BCS1L: variants seen among roughly 807,000 people sequenced by gnomAD.
BCS1L encodes BCS1 ubiquinol-cytochrome c reductase complex chaperone.
In BCS1L, 38 loss-of-function variants were observed where a neutral mutation model predicts 49.3. The observed-to-expected ratio is 0.77, with a 90% CI of 0.59 to 1.01. BCS1L has a LOEUF of 1.01. Among genes scored for constraint, BCS1L ranks in the 50% least tolerant of loss-of-function variants. The pLI is 0.00. For missense variants in BCS1L, 394 were observed against 540.2 expected (o/e 0.73, Z 2.68); for synonymous variants, 193 against 210.1 (o/e 0.92, Z 0.70).
rs1313857025 is a variant in BCS1L, at chr2:218,662,062, A to T, written c.655+109A>T. ...TAAAGCTCTAGTCCAATTCCCAGAG[A>T]TTAAGAGGAATGAAAAGTTGTGTAT... is the stretch of plus-strand genomic sequence containing the variant. On this transcript the variant is annotated intron_variant, in intron 4 of 7. Coordinates refer to ENST00000359273, the MANE Select transcript of BCS1L (RefSeq NM_001079866.2). This position sits in a 1 kb window ranked among gnomAD's most constrained non-coding sequence, Gnocchi z 5.8. 6.7e-7 allele frequency: 1 copy of T among 1,486,954 alleles called. No homozygotes were observed. Among genetic ancestry groups the T allele is most frequent in the East Asian group, 2.3e-5 (1 of 44,256 alleles). 92.1% of individuals were successfully genotyped at this position (1,486,954 alleles called of 1,614,324 possible).
At position 218,662,352 on chromosome 2, in the gene BCS1L, A is replaced by G. The variant is rs1041596179; in HGVS notation, c.719+92A>G. 1.3e-6 allele frequency: 2 copies of G among 1,507,202 alleles called. No individual in the cohort carries two copies. Among genetic ancestry groups the G allele is most frequent in the East Asian group, 2.3e-5 (1 of 44,368 alleles). The allele number at this position is 1,507,202 out of a possible 1,614,324, so 93.4% of individuals were successfully genotyped here. A position where few individuals can be genotyped will look rare whatever the true frequency, so the allele number is the denominator to read the frequency against. On this transcript the variant is annotated intron_variant, in intron 5 of 7. Transcript: ENST00000359273. This position sits in a 1 kb window ranked among gnomAD's most constrained non-coding sequence, Gnocchi z 5.8. ...GTTGGAAGGGGAAATGAATCTGGGG[A>G]TCGGGGACCAGGATAAACATGAAAC...
chr2:218,661,993 A>AT lies in BCS1L; in HGVS notation c.655+45dup. The AT allele has an allele frequency of 6.2e-7, 1 of 1,604,238 alleles. No individual in the cohort carries two copies. Among genetic ancestry groups the AT allele is most frequent in the East Asian group, 2.2e-5 (1 of 44,810 alleles). ...GGGTCTTGGCTGTGCTGTTTTTGAC[A>AT]TTTTTAGAAGGGACAGGTTGGTCTC... On this transcript the variant is annotated intron_variant, in intron 4 of 7. Coordinates refer to ENST00000359273, the MANE Select transcript of BCS1L (RefSeq NM_001079866.2). This position sits in a 1 kb window ranked among gnomAD's most constrained non-coding sequence, Gnocchi z 5.9.
rs751940444 is a variant in BCS1L, at chr2:218,660,950, AC to A, written c.-34del. ...TTCCCCACCCCTAGGTTTTCGTAACACCCCAGGGCCTGTAAGGTTTGGTGTT... is the reference window on the plus strand; with the variant it reads ...TTCCCCACCCCTAGGTTTTCGTAACACCCAGGGCCTGTAAGGTTTGGTGTT... On this transcript the variant is annotated 5_prime_UTR_variant, in exon 2 of 8. Transcript: ENST00000359273. 1 of 1,610,054 alleles carries A rather than the reference AC, an allele frequency of 6.2e-7. No homozygotes were observed. The highest frequency in any genetic ancestry group is 2.2e-5 in the East Asian group (1 of 44,858).
At position 218,661,848 on chromosome 2, in the gene BCS1L, C is replaced by T. The variant is rs121908578; in HGVS notation, c.550C>T (p.Arg184Cys). The T allele has an allele frequency of 8.4e-5, 135 of 1,614,064 alleles. 1 individual carries two copies. Among genetic ancestry groups the T allele is most frequent in the Admixed American group, 2.0e-4 (12 of 60,010 alleles). The change falls in exon 4 of 8, where the codon CGC becomes TGC. Residue 184 changes from arginine (R) to cysteine (C), a missense_variant. Arg to Cys is a radical substitution (Grantham distance 180). Transcript: ENST00000359273. The surrounding 1 kb of genome is among the most constrained non-coding windows in gnomAD (Gnocchi z 5.9). ...SEWRPFGYPR[R>C]RRPLNSVVLQ... is the part of the protein sequence containing the mutation. ...ATGGCGTCCCTTTGGCTATCCACGC[C>T]GCCGGCGACCACTGAATTCTGTGGT...
Position 218,663,133 on chromosome 2 carries a change from G to A in BCS1L, c.1008-1G>A. 6.2e-7 allele frequency: 1 copy of A among 1,614,218 alleles called. No homozygotes were observed. Among genetic ancestry groups the A allele is most frequent in the Non-Finnish European group, 8.5e-7 (1 of 1,180,040 alleles). The stretch of plus-strand genomic sequence containing the variant: ...GACCTGCTTTCCCTGTCTTCTCTCA[G>A]GCTGGACCCTGCCCTGATACGCCCG... On this transcript the variant is annotated splice_acceptor_variant, in intron 7 of 7. Transcript: ENST00000359273. LOFTEE classifies it high-confidence loss of function.
chr2:218,663,428 A>G lies in BCS1L; in HGVS notation c.*42A>G. The G allele has an allele frequency of 6.2e-7, 1 of 1,611,918 alleles. No homozygotes were observed. Among genetic ancestry groups the G allele is most frequent in the Non-Finnish European group, 8.5e-7 (1 of 1,179,406 alleles). ...TCAGCTCTCCTCCTCTAGCTCAATA[A>G]ACATCTGCCACACTACTCTGCTCTC... On this transcript the variant is annotated 3_prime_UTR_variant, in exon 8 of 8. Transcript: ENST00000359273.
chr2:218,660,858 A>C, intron 1 of BCS1L, 81 bp from the exon 2 acceptor site: 1 of 966,764 alleles, frequency 1.0e-6, no homozygotes, highest in Non-Finnish European at 1.6e-6. Context: ...CCCACACAGT[A>C]ATGCTGACCT....
Position 218,661,879 on chromosome 2 carries a change from AACAGGGTCTGGCT to A in BCS1L, c.582_594del (p.Gln195ThrfsTer56), listed in dbSNP as rs1401992937. On this transcript the variant is annotated frameshift_variant, in exon 4 of 8. Transcript: ENST00000359273. LOFTEE classifies it high-confidence loss of function. This position sits in a 1 kb window ranked among gnomAD's most constrained non-coding sequence, Gnocchi z 5.9. ...CGACCACTGAATTCTGTGGTTCTACAACAGGGTCTGGCTGACCGAATTGTCAGAGACGTCCAGG... is the reference window on the plus strand; with the variant it reads ...CGACCACTGAATTCTGTGGTTCTACAGACCGAATTGTCAGAGACGTCCAGG... 1 of 1,614,220 alleles carries A rather than the reference AACAGGGTCTGGCT, an allele frequency of 6.2e-7. No homozygotes were observed. The highest frequency in any genetic ancestry group is 8.5e-7 in the Non-Finnish European group (1 of 1,180,046).
Position 218,662,504 on chromosome 2 carries a change from C to T in BCS1L, c.720-6C>T. 1.2e-6 allele frequency: 2 copies of T among 1,613,684 alleles called. No individual in the cohort carries two copies. Among genetic ancestry groups the T allele is most frequent in the Non-Finnish European group, 1.7e-6 (2 of 1,180,038 alleles). The stretch of plus-strand genomic sequence containing the variant: ...CTGCTACCTCCTGCCATCCCATGCT[C>T]CATAGCACAGCCCTGGCTGGGGAAC... On this transcript the variant is annotated splice_polypyrimidine_tract_variant and splice_region_variant and intron_variant, in intron 5 of 7. Coordinates refer to ENST00000359273, the MANE Select transcript of BCS1L (RefSeq NM_001079866.2). This position sits in a 1 kb window ranked among gnomAD's most constrained non-coding sequence, Gnocchi z 5.8.
intron 7 of BCS1L, 52 bp downstream of exon 7, chr2:218,663,052 C>A: frequency 6.2e-7 from 1 of 1,612,866 alleles, no homozygotes; most frequent in African/African-American, 1.3e-5. Context: ...ACCTCCTCCC[C>A]TAGTGCCTTG....
rs756932413 is a variant in BCS1L, at chr2:218,661,158, C to T, written c.171C>T (p.Asp57=). The change falls in exon 2 of 8, where the codon GAC becomes GAT. Residue 57 remains aspartate, a synonymous_variant. Transcript: ENST00000359273. The surrounding 1 kb of genome is among the most constrained non-coding windows in gnomAD (Gnocchi z 5.9). Reference sequence around the variant, plus strand: ...TCACACTGGAAGTCCCTGCTCGAGACAGGAGCTATGCCTGGTTGCTTAGCT... The same window carrying T: ...TCACACTGGAAGTCCCTGCTCGAGATAGGAGCTATGCCTGGTTGCTTAGCT... ...YMITLEVPAR[D]RSYAWLLSWL... is the part of the protein sequence containing the mutation. The T allele has an allele frequency of 3.3e-5, 53 of 1,614,124 alleles. No homozygotes were observed. The highest frequency in any genetic ancestry group is 4.2e-5 in the Non-Finnish European group (49 of 1,180,050).
At position 218,661,342 on chromosome 2, in the gene BCS1L, G is replaced by T. The variant is rs1218642890; in HGVS notation, c.320+35G>T. 1 of 1,614,242 alleles carries T rather than the reference G, an allele frequency of 6.2e-7. No homozygotes were observed. Among genetic ancestry groups the T allele is most frequent in the Non-Finnish European group, 8.5e-7 (1 of 1,180,042 alleles). ...GGAGCTAGGGAGGGCTGTGAGAGTAGAAAAGAATGATGGGAGCTGGGTTTG... is the reference window on the plus strand; with the variant it reads ...GGAGCTAGGGAGGGCTGTGAGAGTATAAAAGAATGATGGGAGCTGGGTTTG... On this transcript the variant is annotated intron_variant, in intron 2 of 7. Coordinates refer to ENST00000359273, the MANE Select transcript of BCS1L (RefSeq NM_001079866.2). The surrounding 1 kb of genome is among the most constrained non-coding windows in gnomAD (Gnocchi z 5.9).
chr2:218,659,568 C>T (rs902530079), upstream of BCS1L: 2 of 152,392 alleles, frequency 1.3e-5, no homozygotes, highest in Admixed American at 6.5e-5. The surrounding 1 kb of genome is among the most constrained non-coding windows in gnomAD (Gnocchi z 4.4). Context: ...CCTCCACCCC[C>T]ACTCCAGCCC....
Position 218,662,221 on chromosome 2 carries a change from T to G in BCS1L, c.680T>G (p.Leu227Arg). The G allele has an allele frequency of 6.2e-7, 1 of 1,614,066 alleles. No individual in the cohort carries two copies. The highest frequency in any genetic ancestry group is 8.5e-7 in the Non-Finnish European group (1 of 1,179,926). Residue 227 changes from leucine (L) to arginine (R), a missense_variant, in exon 5 of 8, where the codon CTG becomes CGG. Leu to Arg is a moderately radical substitution (Grantham distance 102). Coordinates refer to ENST00000359273, the MANE Select transcript of BCS1L (RefSeq NM_001079866.2). This position sits in a 1 kb window ranked among gnomAD's most constrained non-coding sequence, Gnocchi z 5.8. The stretch of plus-strand genomic sequence containing the variant: ...GGCATTCCTTACAGACGTGGCTACC[T>G]GCTTTATGGGCCCCCTGGTTGCGGA... ...DRGIPYRRGY[L>R]LYGPPGCGKS...
upstream of BCS1L, chr2:218,659,111 G>A (rs1429414394): frequency 6.6e-6 from 1 of 152,348 alleles, no homozygotes; most frequent in Non-Finnish European, 1.5e-5. The surrounding 1 kb of genome is among the most constrained non-coding windows in gnomAD (Gnocchi z 4.4). Context: ...AACTGGAAAG[G>A]CGGTTTGTAA....
Position 218,663,158 on chromosome 2 carries a change from G to A in BCS1L, c.1032G>A (p.Pro344=), listed in dbSNP as rs769721223. The A allele has an allele frequency of 2.8e-5, 45 of 1,614,056 alleles. No homozygotes were observed. Among genetic ancestry groups the A allele is most frequent in the Admixed American group, 1.3e-4 (8 of 59,994 alleles). Residue 344 remains proline (P), a synonymous_variant, in exon 8 of 8, where the codon CCG becomes CCA. Transcript: ENST00000359273. ...GGCTGGACCCTGCCCTGATACGCCC[G>A]GGGCGAGTGGACCTGAAGGAGTACG... is the stretch of plus-strand genomic sequence containing the variant. ...VDRLDPALIR[P]GRVDLKEYVG...
chr2:218,658,997 ACACAGTCGCTT>A (rs769111626), upstream of BCS1L: 5 of 152,242 alleles, frequency 3.3e-5, no homozygotes, highest in Non-Finnish European at 7.3e-5. Context: ...TCTTGGACAG[ACACAGTCGCTT>A]CGCTTCTCTG....
chr2:218,662,445 A>T lies in BCS1L; in HGVS notation c.720-65A>T. On this transcript the variant is annotated intron_variant, in intron 5 of 7. Coordinates refer to ENST00000359273, the MANE Select transcript of BCS1L (RefSeq NM_001079866.2). This position sits in a 1 kb window ranked among gnomAD's most constrained non-coding sequence, Gnocchi z 5.8. ...ACACATGTCCCCAGGCGGTGAGGAG[A>T]GTAGCTGGGCCTGAGGAAGCATTTC... 6.2e-7 allele frequency: 1 copy of T among 1,600,128 alleles called. No homozygotes were observed. The highest frequency in any genetic ancestry group is 8.6e-7 in the Non-Finnish European group (1 of 1,169,362).
rs1057516255 is a variant in BCS1L, at chr2:218,661,904, C to CA, written c.607dup (p.Arg203LysfsTer9). 1.2e-6 allele frequency: 2 copies of CA among 1,614,016 alleles called. No homozygotes were observed. The highest frequency in any genetic ancestry group is 1.7e-6 in the Non-Finnish European group (2 of 1,180,044). On this transcript the variant is annotated frameshift_variant, in exon 4 of 8. Transcript: ENST00000359273. LOFTEE classifies it high-confidence loss of function. This position sits in a 1 kb window ranked among gnomAD's most constrained non-coding sequence, Gnocchi z 5.9. The stretch of plus-strand genomic sequence containing the variant: ...AACAGGGTCTGGCTGACCGAATTGT[C>CA]AGAGACGTCCAGGAATTCATCGATA...
Sources: gnomAD v4.1 joint callset for allele counts on GRCh38, gnomAD v4.1.1 for gene constraint, Gnocchi (gnomAD v3.1) non-coding constraint, MANE v1.5 for transcripts, NCBI Gene and HGNC (gene_info 2026-07-23, HGNC 2026-07-21) for gene names.